The following REEP1 variants were observed in gnomAD, a reference collection of about 807,000 sequenced individuals.
The protein encoded by REEP1 is receptor accessory protein 1.
A neutral mutation model predicts 40.3 loss-of-function variants in REEP1; 22 were observed. That is an observed-to-expected ratio of 0.55 (90% CI 0.39 to 0.78). REEP1 has a LOEUF of 0.78. REEP1 is among the 30% of genes least tolerant of loss of function. The pLI, the probability that REEP1 is intolerant of heterozygous loss-of-function variation, is 0.00. For missense variants in REEP1, 280 were observed against 361.1 expected (o/e 0.78, Z 1.82); for synonymous variants, 116 against 139.2 (o/e 0.83, Z 1.17).
At chr2:86,225,391 C>A (rs1674627044) in intron 7 of REEP1, among the ~76,000 whole-genome samples, 1 of 152,210 alleles carries the variant, frequency 6.6e-6, no homozygotes, top group South Asian at 2.1e-4. Context: ...CCTGCCTCAG[C>A]CTCTCGAGTA....
chr2:86,283,161 A>G (rs6738585), intron 1 of REEP1, among the ~76,000 whole-genome samples: 74,261 of 151,620 alleles, frequency 0.49, 18,256 homozygotes, highest in East Asian at 0.65. Flanking sequence ...TTGTTTGTGT[A>G]ATGTTTTGAT....
chr2:86,239,391 T>C (rs1331768647), intron 5 of REEP1, among the ~76,000 whole-genome samples: 1 of 152,060 alleles, frequency 6.6e-6, no homozygotes, highest in African/African-American at 2.4e-5. Context: ...AAGCACGAAG[T>C]TTAGCCCATC....
At chr2:86,294,253 A>C (rs867173962) in intron 1 of REEP1, among the ~76,000 whole-genome samples, 20 of 152,318 alleles carry the variant, frequency 1.3e-4, no homozygotes, top group Non-Finnish European at 2.5e-4. Flanking sequence ...TACACTACTG[A>C]CTGTACATTT....
At chr2:86,291,436 C>T (rs1427218765) in intron 1 of REEP1, among the ~76,000 whole-genome samples, 1 of 152,168 alleles carries the variant, frequency 6.6e-6, no homozygotes, top group South Asian at 2.1e-4. Context: ...TTCTTTTTCA[C>T]CTTGGCATGT....
At chr2:86,318,470 C>T (rs1193858815) in intron 1 of REEP1, among the ~76,000 whole-genome samples, 3 of 148,956 alleles carry the variant, frequency 2.0e-5, no homozygotes, top group African/African-American at 7.4e-5. Context: ...ATGATCTCGG[C>T]CCACTGCAAC....
chr2:86,217,156 G>A (rs1674157659), intron 8 of REEP1, 46 bp from the exon 9 acceptor site: 5 of 1,542,374 alleles, frequency 3.2e-6, no homozygotes, highest in Non-Finnish European at 4.5e-6. Flanking sequence ...GTGTAAATGT[G>A]GGATCTTTTG....
At chr2:86,233,564 A>T (rs1025363032) in intron 5 of REEP1, among the ~76,000 whole-genome samples, 1 of 152,198 alleles carries the variant, frequency 6.6e-6, no homozygotes, top group African/African-American at 2.4e-5. Context: ...GCAGCTCCTC[A>T]CTGTCTGGAT....
chr2:86,334,412 T>G (rs556086868), intron 1 of REEP1, among the ~76,000 whole-genome samples: 1 of 152,100 alleles, frequency 6.6e-6, no homozygotes, highest in African/African-American at 2.4e-5. Flanking sequence ...GATAAAACCA[T>G]AGGATGCTCC....
intron 2 of REEP1, among the ~76,000 whole-genome samples, chr2:86,272,580 C>A (rs1025034267): frequency 1.3e-5 from 2 of 152,240 alleles, no homozygotes; most frequent in African/African-American, 4.8e-5. Flanking sequence ...ACATCTGCTT[C>A]TAACTCTAGA....
At chr2:86,271,195 C>T (rs1324784411) in intron 2 of REEP1, among the ~76,000 whole-genome samples, 1 of 150,192 alleles carries the variant, frequency 6.7e-6, no homozygotes, top group Non-Finnish European at 1.5e-5. Context: ...CTGTCTCAAA[C>T]AAAAAAATAA....
chr2:86,220,708 T>C (rs200244581), intron 7 of REEP1, among the ~76,000 whole-genome samples: 1 of 23,208 alleles, frequency 4.3e-5, no homozygotes, highest in African/African-American at 4.9e-5. Flanking sequence ...TTTTTGTTTG[T>C]TTTTTTTTTT....
chr2:86,334,555 C>T (rs965601314), intron 1 of REEP1, among the ~76,000 whole-genome samples: 1 of 152,132 alleles, frequency 6.6e-6, no homozygotes, highest in African/African-American at 2.4e-5. Flanking sequence ...CTGAGCAAGG[C>T]ATATTTCCTC....
At chr2:86,279,867 A>C (rs954577143) in intron 2 of REEP1, among the ~76,000 whole-genome samples, 6 of 152,232 alleles carry the variant, frequency 3.9e-5, no homozygotes, top group African/African-American at 1.4e-4. Context: ...GACCTTCAGA[A>C]TTATAAAATA....
chr2:86,252,238 G>A (rs1676325676), intron 4 of REEP1, among the ~76,000 whole-genome samples, 168 bp from the exon 5 acceptor site: 1 of 152,130 alleles, frequency 6.6e-6, no homozygotes, highest in African/African-American at 2.4e-5. Flanking sequence ...GGAGAGCAGA[G>A]ATACAGGAGA....
At chr2:86,270,783 T>C (rs568930745) in intron 2 of REEP1, among the ~76,000 whole-genome samples, 16 of 152,258 alleles carry the variant, frequency 1.1e-4, no homozygotes, top group Non-Finnish European at 2.2e-4. Context: ...TCAATATGTG[T>C]TGGACTGCAT....
Position 86,216,381 on chromosome 2 carries a change from G to A in REEP1, c.*658C>T, listed in dbSNP as rs941801751. The A allele has an allele frequency of 6.6e-6, 1 of 152,146 alleles. No individual in the cohort carries two copies. The highest frequency in any genetic ancestry group is 1.5e-5 in the Non-Finnish European group (1 of 68,046). 9.4% of individuals were successfully genotyped at this position (152,146 alleles called of 1,614,324 possible). On this transcript the variant is annotated 3_prime_UTR_variant, in exon 9 of 9. Transcript: ENST00000538924. ...TAGTTTGTAACTTGTCTGGTCTTTT[G>A]ACTAAACAACTATCTAAAGAATATA...
intron 5 of REEP1, among the ~76,000 whole-genome samples, 174 bp from the exon 6 acceptor site, chr2:86,232,976 G>T (rs1675114213): frequency 6.6e-6 from 1 of 152,176 alleles, no homozygotes; most frequent in South Asian, 2.1e-4. Flanking sequence ...TCAAATCCCG[G>T]AATTTTCCAG....
intron 1 of REEP1, among the ~76,000 whole-genome samples, chr2:86,304,045 T>G (rs1299931635): frequency 6.6e-6 from 1 of 152,072 alleles, no homozygotes; most frequent in Non-Finnish European, 1.5e-5. Context: ...TAAATAGGAA[T>G]GATTGAATGA....
At chr2:86,307,781 A>G (rs138086785) in intron 1 of REEP1, among the ~76,000 whole-genome samples, 1 of 152,170 alleles carries the variant, frequency 6.6e-6, no homozygotes, top group South Asian at 2.1e-4. Flanking sequence ...AATGTTTGAA[A>G]CAGAAGACTT....
Sources: allele counts gnomAD v4.1 joint callset (sites outside exome capture counted in the v4.1 genomes callset), GRCh38; gene constraint gnomAD v4.1.1; transcripts MANE v1.5; gene names NCBI Gene and HGNC (gene_info 2026-07-23, HGNC 2026-07-21).